Variants in MED15 observed in about 807,000 individuals in gnomAD.
The protein encoded by MED15 is mediator complex subunit 15, also known as mediator of RNA polymerase II transcription subunit 15.
A neutral mutation model predicts 118.7 loss-of-function variants in MED15; 41 were observed. The ratio of observed to expected loss-of-function variants is 0.35; its 90% CI spans 0.27 to 0.45. The LOEUF (loss-of-function observed/expected upper bound fraction) is 0.45. MED15 is among the 20% of genes least tolerant of loss of function. MED15 has a pLI of 1.00. For missense variants in MED15, 740 were observed against 1,025.5 expected, an observed-to-expected ratio of 0.72 and a Z score of 3.80; for synonymous variants, 436 against 413.9, an observed-to-expected ratio of 1.05 and a Z score of -0.65.
chr22:20,515,700 C>T (rs1019017530), intron 1 of MED15, among the ~76,000 whole-genome samples: 2 of 151,488 alleles, frequency 1.3e-5, no homozygotes, highest in African/African-American at 2.4e-5. Context: ...GCAGGAGAAT[C>T]GCTTAAACCC....
At chr22:20,508,126 T>G (rs2053935321) in intron 1 of MED15, 6 of 1,242,478 alleles carry the variant, frequency 4.8e-6, no homozygotes, top group Non-Finnish European at 6.2e-6. Flanking sequence ...ATGGTTTCTC[T>G]TCCAGAAAAG....
intron 2 of MED15, among the ~76,000 whole-genome samples, chr22:20,546,047 A>G (rs1438149146): frequency 6.6e-6 from 1 of 152,158 alleles, no homozygotes; most frequent in East Asian, 1.9e-4. Flanking sequence ...ACATGGAGTC[A>G]CTATTGTCAT....
chr22:20,572,189 TCTGATCAG>T (rs2056685093), intron 8 of MED15, among the ~76,000 whole-genome samples: 1 of 152,240 alleles, frequency 6.6e-6, no homozygotes. Context: ...GGCCTTCAGA[TCTGATCAG>T]CCACCCTCTA....
intron 1 of MED15, among the ~76,000 whole-genome samples, chr22:20,530,824 GCT>G (rs2054832121): frequency 6.6e-6 from 1 of 152,176 alleles, no homozygotes; most frequent in Admixed American, 6.5e-5. Flanking sequence ...TGGGAGGGTG[GCT>G]CTGCCTGAGG....
intron 1 of MED15, among the ~76,000 whole-genome samples, chr22:20,520,891 C>G (rs1339690679): frequency 6.6e-6 from 1 of 151,984 alleles, no homozygotes; most frequent in Non-Finnish European, 1.5e-5. Context: ...AGGTGCTCAC[C>G]ACCATGCCCT....
At chr22:20,569,438 C>T (rs1171967449) in intron 8 of MED15, among the ~76,000 whole-genome samples, 1 of 152,108 alleles carries the variant, frequency 6.6e-6, no homozygotes, top group African/African-American at 2.4e-5. Flanking sequence ...GTGGCTGGGT[C>T]CCAGCCCACA....
chr22:20,568,418 C>T, intron 7 of MED15, 103 bp from the exon 8 acceptor site: 1 of 1,494,326 alleles, frequency 6.7e-7, no homozygotes, highest in Non-Finnish European at 9.0e-7. Flanking sequence ...AGTCCCATTC[C>T]TCACCTCAAG....
intron 13 of MED15, chr22:20,583,929 C>T (rs1230240536): frequency 8.3e-6 from 2 of 241,840 alleles, no homozygotes; most frequent in East Asian, 2.0e-4. Context: ...CATATACCTC[C>T]CTTTCACCTC....
At chr22:20,575,024 T>C in intron 8 of MED15, 89 bp from the exon 9 acceptor site, 1 of 1,569,830 alleles carries the variant, frequency 6.4e-7, no homozygotes, top group South Asian at 1.1e-5. Flanking sequence ...TGCTCCTTCT[T>C]GCAGAGGCTA....
chr22:20,559,575 A>T (rs777491308), intron 5 of MED15, among the ~76,000 whole-genome samples: 1 of 152,240 alleles, frequency 6.6e-6, no homozygotes, highest in Non-Finnish European at 1.5e-5. Flanking sequence ...CTGCTGTGAG[A>T]CTGCAGAGCA....
At chr22:20,571,291 G>A (rs954417123) in intron 8 of MED15, among the ~76,000 whole-genome samples, 1 of 152,234 alleles carries the variant, frequency 6.6e-6, no homozygotes, top group Admixed American at 6.5e-5. Flanking sequence ...CTTCCTGTCG[G>A]TTTCTCCACC....
chr22:20,553,932 T>C (rs764289417), intron 4 of MED15, among the ~76,000 whole-genome samples: 6 of 152,268 alleles, frequency 3.9e-5, no homozygotes, highest in Non-Finnish European at 8.8e-5. Context: ...AGGGGAATTC[T>C]GTCAATTCAG....
At chr22:20,532,863 C>T (rs2054913799) in intron 1 of MED15, among the ~76,000 whole-genome samples, 1 of 152,210 alleles carries the variant, frequency 6.6e-6, no homozygotes, top group Non-Finnish European at 1.5e-5. Context: ...CCCTCGTCTT[C>T]CCGGCTTGCT....
chr22:20,574,101 C>G (rs1355044037), intron 8 of MED15: 1 of 152,256 alleles, frequency 6.6e-6, no homozygotes, highest in Non-Finnish European at 1.5e-5. Flanking sequence ...TGGCACCTGT[C>G]GCTGCCTGCA....
chr22:20,565,385 C>T (rs928088299), intron 6 of MED15, among the ~76,000 whole-genome samples: 4 of 152,300 alleles, frequency 2.6e-5, no homozygotes, highest in Middle Eastern at 6.8e-3. Context: ...CTCCTGTTTA[C>T]CTCTGTGTCT....
intron 5 of MED15, among the ~76,000 whole-genome samples, chr22:20,560,292 A>T (rs1375944834): frequency 6.7e-6 from 1 of 150,370 alleles, no homozygotes; most frequent in Non-Finnish European, 1.5e-5. Context: ...TTAAGATGGA[A>T]TCTCGCTCTG....
chr22:20,582,959 A>G lies in MED15; in HGVS notation c.1529A>G (p.Asn510Ser). 5 of 1,613,296 alleles carry G rather than the reference A, an allele frequency of 3.1e-6. No individual in the cohort carries two copies. Among genetic ancestry groups the G allele is most frequent in the Non-Finnish European group, 4.2e-6 (5 of 1,179,798 alleles). The change falls in exon 11 of 18, where the codon AAC becomes AGC. Residue 510 changes from asparagine (N) to serine (S), a missense_variant. This residue lies in a region of MED15 where 384 missense variants were observed against 506.3 expected (regional missense o/e 0.76). Coordinates refer to ENST00000263205, the MANE Select transcript of MED15 (RefSeq NM_001003891.3). ...NFSVPSPGPL[N>S]TPVNPSSVMS... ...AGTGTCCCCTCACCTGGACCTTTAA[A>G]CACACCTGGTAAGTTGGGCCTGAGG...
intron 1 of MED15, among the ~76,000 whole-genome samples, chr22:20,517,527 A>G (rs2054296283): frequency 6.6e-6 from 1 of 151,718 alleles, no homozygotes; most frequent in African/African-American, 2.4e-5. Flanking sequence ...TGCTCTTTTC[A>G]CTGCCCCCAC....
chr22:20,515,678 G>A (rs370412628), intron 1 of MED15, among the ~76,000 whole-genome samples: 23 of 151,650 alleles, frequency 1.5e-4, no homozygotes, highest in African/African-American at 5.3e-4. Context: ...TAGTCCCGGT[G>A]GGGAGGCTGA....
Sources: gnomAD v4.1 joint callset for allele counts (sites outside exome capture counted in the v4.1 genomes callset) on GRCh38, gnomAD v4.1.1 for gene constraint, gnomAD v4.1.1 regional missense constraint, MANE v1.5 for transcripts, NCBI Gene and HGNC (gene_info 2026-07-23, HGNC 2026-07-21) for gene names.